Variants in PARP2 observed in about 807,000 individuals in gnomAD.
PARP2 encodes poly [ADP-ribose] polymerase 2.
A neutral mutation model predicts 77.8 loss-of-function variants in PARP2; 57 were observed. That is an observed-to-expected ratio of 0.73 (90% CI 0.59 to 0.91). The LOEUF is 0.91. Among genes scored for constraint, PARP2 ranks in the 40% least tolerant of loss-of-function variants. PARP2 has a pLI of 0.00. For missense variants in PARP2, 651 were observed against 689.0 expected (o/e 0.94, Z 0.62); for synonymous variants, 226 against 242.6 (o/e 0.93, Z 0.64).
rs1355400101 is a variant in PARP2 at position 20,356,670 on chromosome 14, C to G, written c.1310C>G (p.Ala437Gly). The change falls in exon 13 of 16, where the codon GCT becomes GGT. Residue 437 changes from alanine to glycine, a missense_variant. Transcript: ENST00000429687. Reference protein sequence around the residue: ...SHGLRIAPPEAPITGYMFGKG... With the variant: ...SHGLRIAPPEGPITGYMFGKG... ...GGGCTTCGAATTGCCCCACCTGAAG[C>G]TCCCATCACAGGTTACATGGTGAGT... 6.2e-7 allele frequency: 1 copy of G among 1,612,692 alleles called. No homozygotes were observed. The highest frequency in any genetic ancestry group is 1.7e-5 in the Admixed American group (1 of 60,000).
At chr14:20,351,020 A>C (rs370537185) in intron 5 of PARP2, 27 bp from the exon 6 acceptor site, 2 of 1,589,632 alleles carry the variant, frequency 1.3e-6, no homozygotes, top group Non-Finnish European at 1.7e-6. Flanking sequence ...TTAGGGAACT[A>C]TCTTATGTGT....
chr14:20,352,252 G>A lies in PARP2; in HGVS notation c.505G>A (p.Asp169Asn), dbSNP rs1883980902. ...AKEIFQKKFL[D>N]KTKNNWEDRE... ...ACACCTTGGACTCTACAGATTCCTTGACAAAACGAAAAACAATTGGGAAGA... is the reference window on the plus strand; with the variant it reads ...ACACCTTGGACTCTACAGATTCCTTAACAAAACGAAAAACAATTGGGAAGA... The change falls in exon 7 of 16, where the codon GAC (aspartate) becomes AAC (asparagine). Residue 169 changes from aspartate (D) to asparagine (N), a missense_variant. Physicochemically the swap from Asp to Asn is conservative, Grantham distance 23. Coordinates refer to ENST00000429687, the MANE Select transcript of PARP2 (RefSeq NM_001042618.2). 5 of 1,608,000 alleles carry A rather than the reference G, an allele frequency of 3.1e-6. No individual in the cohort carries two copies. In the East Asian group the frequency reaches 8.9e-5, roughly 29 times the overall value.
At position 20,357,898 on chromosome 14, in the gene PARP2, A is replaced by T. The variant is rs1052798099; in HGVS notation, c.*101A>T. 1 of 1,055,870 alleles carries T rather than the reference A, an allele frequency of 9.5e-7. No homozygotes were observed. The highest frequency in any genetic ancestry group is 1.4e-6 in the Non-Finnish European group (1 of 712,118). The allele number at this position is 1,055,870 out of a possible 1,614,324, so 65.4% of individuals were successfully genotyped here. On this transcript the variant is annotated 3_prime_UTR_variant, in exon 16 of 16. Transcript: ENST00000429687. ...ATATTTTATGTAATAAAAACTGTACAGGTCTACCACTGGCTTCTTCGGGCT... is the reference window on the plus strand; with the variant it reads ...ATATTTTATGTAATAAAAACTGTACTGGTCTACCACTGGCTTCTTCGGGCT...
At chr14:20,348,874 C>T (rs1883860672) in intron 4 of PARP2, among the ~76,000 whole-genome samples, 1 of 151,952 alleles carries the variant, frequency 6.6e-6, no homozygotes, top group Non-Finnish European at 1.5e-5. Flanking sequence ...ACAAAATTAG[C>T]CAGGTGTGGT....
intron 9 of PARP2, 32 bp from the exon 10 acceptor site, chr14:20,355,716 CAGAA>C (rs1884118933): frequency 6.4e-7 from 1 of 1,561,408 alleles, no homozygotes; most frequent in African/African-American, 1.4e-5. Context: ...AGCCACATGT[CAGAA>C]AGCTCATTAT....
intron 6 of PARP2, 22 bp downstream of exon 6, chr14:20,351,144 CA>C (rs770164821): frequency 7.0e-6 from 11 of 1,581,006 alleles, no homozygotes; most frequent in Admixed American, 1.7e-5. Context: ...AAAGTGACTA[CA>C]AAAAAATATA....
rs1219864458 is a variant in PARP2 at position 20,357,168 on chromosome 14, T to A, written c.1428+19T>A. ...ATCAGAGGTGAGACAGGAGTATGTC[T>A]GTGATCTCTAGTTTATTAATTCCAG... On this transcript the variant is annotated intron_variant, in intron 14 of 15. Coordinates refer to ENST00000429687, the MANE Select transcript of PARP2 (RefSeq NM_001042618.2). 3.3e-6 allele frequency: 5 copies of A among 1,502,166 alleles called. No homozygotes were observed. The highest frequency in any genetic ancestry group is 1.4e-5 in the African/African-American group (1 of 69,266). 93.1% of individuals were successfully genotyped at this position (1,502,166 alleles called of 1,614,324 possible).
chr14:20,357,835 G>A lies in PARP2; in HGVS notation c.*38G>A. 1 of 1,582,340 alleles carries A rather than the reference G, an allele frequency of 6.3e-7. No individual in the cohort carries two copies. Among genetic ancestry groups the A allele is most frequent in the Middle Eastern group, 1.7e-4 (1 of 5,914 alleles). ...AATAAACCAGAGATCTGATCTTCAA[G>A]CAAGAAAATAAGCAGTGTTGTACTT... On this transcript the variant is annotated 3_prime_UTR_variant, in exon 16 of 16. Transcript: ENST00000429687.
chr14:20,345,502 T>G (rs1365947925), intron 3 of PARP2, 38 bp downstream of exon 3: 2 of 1,475,856 alleles, frequency 1.4e-6, no homozygotes. Context: ...TCCATGGATA[T>G]CTCAGAGAGC....
intron 1 of PARP2, among the ~76,000 whole-genome samples, chr14:20,343,910 CTGT>C (rs1174855040): frequency 1.3e-5 from 2 of 152,160 alleles, no homozygotes; most frequent in African/African-American, 4.8e-5. Context: ...TGTGCCAGTA[CTGT>C]TGTTAATACC....
intron 4 of PARP2, 96 bp downstream of exon 4, chr14:20,347,009 C>CTT: frequency 7.1e-6 from 5 of 707,216 alleles, no homozygotes; most frequent in East Asian, 2.7e-5. Flanking sequence ...CTTTAAAGTC[C>CTT]CTTTTTTTTT....
chr14:20,347,380 A>G lies in PARP2; in HGVS notation c.324+467A>G, dbSNP rs1566418379. Among the ~76,000 whole-genome samples, 140 of 14,680 alleles carry G rather than the reference A, an allele frequency of 9.5e-3. 5 individuals carry two copies. Among genetic ancestry groups the G allele is most frequent in the Non-Finnish European group, 7.4e-3 (58 of 7,876 alleles). 9.6% of individuals were successfully genotyped at this position (14,680 alleles called of 152,430 possible). A position where few individuals can be genotyped will look rare whatever the true frequency, so the allele number is the denominator to read the frequency against. ...TGTATATATATATATATATATATATATATATATATATATATATATTTTTTT... is the reference window on the plus strand; with the variant it reads ...TGTATATATATATATATATATATATGTATATATATATATATATATTTTTTT... On this transcript the variant is annotated intron_variant, in intron 4 of 15. Transcript: ENST00000429687.
chr14:20,356,269 TAGA>T lies in PARP2; in HGVS notation c.1102-37_1102-35del, dbSNP rs540217191. ...TTCTTCAGTTCAGCTCAGTCTCTTGTAGAGTCTACATCAGCCTTTTTGTCTTAT... is the reference window on the plus strand; with the variant it reads ...TTCTTCAGTTCAGCTCAGTCTCTTGTGTCTACATCAGCCTTTTTGTCTTAT... On this transcript the variant is annotated intron_variant, in intron 11 of 15. Transcript: ENST00000429687. 1.2e-3 allele frequency: 2,006 copies of T among 1,610,434 alleles called. 20 individuals carry two copies. The African/African-American group carries it at 0.023, about 19-fold the overall frequency.
intron 4 of PARP2, among the ~76,000 whole-genome samples, chr14:20,348,423 G>A (rs1203600995): frequency 6.7e-6 from 1 of 149,280 alleles, no homozygotes; most frequent in Non-Finnish European, 1.5e-5. Context: ...TTTAGAGACA[G>A]TGTCTTGCTA....
At chr14:20,355,310 C>A in intron 9 of PARP2, 1 of 190,332 alleles carries the variant, frequency 5.3e-6, no homozygotes, top group Non-Finnish European at 1.1e-5. Context: ...ATTAGATAGA[C>A]AAAATAACAT....
chr14:20,345,321 C>T, intron 2 of PARP2, 73 bp from the exon 3 acceptor site: 1 of 1,364,418 alleles, frequency 7.3e-7, no homozygotes, highest in Non-Finnish European at 1.0e-6. Context: ...AAAGTTAATC[C>T]TGACAAGTTT....
chr14:20,350,406 C>T, intron 4 of PARP2, 120 bp from the exon 5 acceptor site: 4 of 540,498 alleles, frequency 7.4e-6, no homozygotes, highest in South Asian at 5.8e-5. Flanking sequence ...ATTTTCTTGC[C>T]TGATGCTATC....
rs376155682 is a variant in PARP2 at position 20,350,602 on chromosome 14, T to G, written c.401T>G (p.Val134Gly). The change falls in exon 5 of 16, where the codon GTT (valine) becomes GGT (glycine). Residue 134 changes from valine (V) to glycine (G), a missense_variant. Val to Gly is a moderately radical substitution (Grantham distance 109). Coordinates refer to ENST00000429687, the MANE Select transcript of PARP2 (RefSeq NM_001042618.2). Reference sequence around the variant, plus strand: ...GATGATGCCCAGAGGAACTTCAGTGTTTGGATGAGATGGGGCCGAGGTAAT... The same window carrying G: ...GATGATGCCCAGAGGAACTTCAGTGGTTGGATGAGATGGGGCCGAGGTAAT... ...LEDDAQRNFS[V>G]WMRWGRVGKM... The G allele has an allele frequency of 1.6e-5, 26 of 1,605,728 alleles. No individual in the cohort carries two copies. Among genetic ancestry groups the G allele is most frequent in the Non-Finnish European group, 2.0e-5 (24 of 1,172,562 alleles).
chr14:20,351,522 G>A (rs141469657), intron 6 of PARP2, among the ~76,000 whole-genome samples: 219 of 152,252 alleles, frequency 1.4e-3, no homozygotes, highest in African/African-American at 3.9e-3. Flanking sequence ...AAAACTTTTC[G>A]TTTTATAGGT....
Sources: gnomAD v4.1 joint callset for allele counts (sites outside exome capture counted in the v4.1 genomes callset) on GRCh38, gnomAD v4.1.1 for gene constraint, MANE v1.5 for transcripts, NCBI Gene and HGNC (gene_info 2026-07-23, HGNC 2026-07-21) for gene names.